The following KMT2C variants were observed in gnomAD, a reference collection of about 807,000 sequenced individuals.
KMT2C encodes lysine methyltransferase 2C, also known as histone-lysine N-methyltransferase 2C.
KMT2C carries 88 observed loss-of-function variants against 507.9 expected under a neutral mutation model. The observed-to-expected ratio is 0.17, with a 90% CI of 0.15 to 0.21. The LOEUF (loss-of-function observed/expected upper bound fraction) is 0.21. Ranked by LOEUF, KMT2C falls within the 10% of genes least tolerant of loss-of-function variation. The pLI is 1.00. For missense variants in KMT2C, 4,954 were observed against 5,957.8 expected, an observed-to-expected ratio of 0.83 and a Z score of 5.55; for synonymous variants, 2,049 against 2,080.8, an observed-to-expected ratio of 0.98 and a Z score of 0.42.
At chr7:152,272,978 T>C (rs1458149983) in intron 7 of KMT2C, among the ~76,000 whole-genome samples, 1 of 152,052 alleles carries the variant, frequency 6.6e-6, no homozygotes, top group Non-Finnish European at 1.5e-5. Flanking sequence ...ATAATGAGAT[T>C]GGAAATTCAA....
chr7:152,152,640 AAAGAGTAAGCTT>A lies in KMT2C; in HGVS notation c.12526+53_12526+64del, dbSNP rs2091727335. On this transcript the variant is annotated intron_variant, in intron 49 of 58. Coordinates refer to ENST00000262189, the MANE Select transcript of KMT2C (RefSeq NM_170606.3). ...GTTGTTAAAAGATAATCAGTATCTCAAAGAGTAAGCTTAACTTTTGAATCAGGAATGGATTTG... is the reference window on the plus strand; with the variant it reads ...GTTGTTAAAAGATAATCAGTATCTCAAACTTTTGAATCAGGAATGGATTTG... 3.8e-6 allele frequency: 6 copies of A among 1,579,080 alleles called. No homozygotes were observed. In the African/African-American group the frequency reaches 8.1e-5, roughly 21 times the overall value.
intron 2 of KMT2C, among the ~76,000 whole-genome samples, chr7:152,337,037 T>A (rs1330259515): frequency 6.6e-6 from 1 of 152,144 alleles, no homozygotes; most frequent in Non-Finnish European, 1.5e-5. Flanking sequence ...AAGCCTGTAA[T>A]CCCAGCACTT....
At chr7:152,362,938 A>C (rs1260606361) in intron 1 of KMT2C, among the ~76,000 whole-genome samples, 4 of 152,236 alleles carry the variant, frequency 2.6e-5, no homozygotes, top group Non-Finnish European at 5.9e-5. Context: ...CCTTCTGGGC[A>C]ATGGACCAAC....
At chr7:152,159,186 A>G in intron 43 of KMT2C, 114 bp from the exon 44 acceptor site, 2 of 829,934 alleles carry the variant, frequency 2.4e-6, no homozygotes, top group Non-Finnish European at 2.0e-6. Flanking sequence ...AAGGTATTAA[A>G]TAAGTAGGGA....
At position 152,181,936 on chromosome 7, in the gene KMT2C, G is replaced by A. The variant is rs2129120538; in HGVS notation, c.5924C>T (p.Thr1975Ile). 6.2e-7 allele frequency: 1 copy of A among 1,614,186 alleles called. No homozygotes were observed. Among genetic ancestry groups the A allele is most frequent in the Non-Finnish European group, 8.5e-7 (1 of 1,180,030 alleles). ...KPPDTPRPVM[T>I]DQFPKSLGLS... ...GCCCAAGGATTTGGGAAATTGATCT[G>A]TCATCACAGGCCTAGGTGTGTCTGG... Residue 1975 changes from threonine (T) to isoleucine (I), a missense_variant, in exon 36 of 59, where the codon ACA (threonine) becomes ATA (isoleucine). This residue lies in a region of KMT2C where 1,689 missense variants were observed against 1,654.3 expected (regional missense o/e 1.02). Coordinates refer to ENST00000262189, the MANE Select transcript of KMT2C (RefSeq NM_170606.3).
chr7:152,336,120 G>C (rs1042452243), intron 2 of KMT2C, among the ~76,000 whole-genome samples: 1 of 151,986 alleles, frequency 6.6e-6, no homozygotes, highest in African/African-American at 2.4e-5. Flanking sequence ...TTTAGATTTT[G>C]TTGTTTCAGT....
At chr7:152,250,102 T>C (rs2095540106) in intron 12 of KMT2C, 149 bp from the exon 13 acceptor site, 4 of 516,722 alleles carry the variant, frequency 7.7e-6, no homozygotes, top group Admixed American at 3.5e-5. Flanking sequence ...TAGTAAGTTA[T>C]GAAGACAAAA....
At chr7:152,323,138 A>G (rs2129207197) in intron 3 of KMT2C, among the ~76,000 whole-genome samples, 1 of 152,150 alleles carries the variant, frequency 6.6e-6, no homozygotes, top group South Asian at 2.1e-4. Flanking sequence ...AAAACTAAAA[A>G]TAGAATTACC....
intron 23 of KMT2C, among the ~76,000 whole-genome samples, chr7:152,211,440 AG>A (rs545055961): frequency 6.6e-6 from 1 of 152,270 alleles, no homozygotes; most frequent in Non-Finnish European, 1.5e-5. Context: ...AGGAGAGAAC[AG>A]AAGATGATCT....
At position 152,183,163 on chromosome 7, in the gene KMT2C, CAA is replaced by C; in HGVS notation, c.5083-9_5083-8del. 2 of 1,506,356 alleles carry C rather than the reference CAA, an allele frequency of 1.3e-6. No individual in the cohort carries two copies. The highest frequency in any genetic ancestry group is 1.8e-6 in the Non-Finnish European group (2 of 1,130,206). 93.3% of individuals were successfully genotyped at this position (1,506,356 alleles called of 1,614,324 possible). Reference sequence around the variant, plus strand: ...TGTTATCTCTGGCTTTTTGCTTTGACAAAAGAAGAGAAAAAAATTTCCCAGAT... The same window carrying C: ...TGTTATCTCTGGCTTTTTGCTTTGACAAGAAGAGAAAAAAATTTCCCAGAT... On this transcript the variant is annotated splice_polypyrimidine_tract_variant and splice_region_variant and intron_variant, in intron 34 of 58. Transcript: ENST00000262189.
Position 152,136,644 on chromosome 7 carries a change from G to T in KMT2C, c.*188C>A. The T allele has an allele frequency of 1.7e-6, 1 of 584,878 alleles. No individual in the cohort carries two copies. The highest frequency in any genetic ancestry group is 3.1e-6 in the Non-Finnish European group (1 of 327,864). 36.2% of individuals were successfully genotyped at this position (584,878 alleles called of 1,614,324 possible). ...TAACCTCGGCCACTTCAGGAACGCT[G>T]CTTCTGTCAGCTTCCTCCTGGCGCT... On this transcript the variant is annotated 3_prime_UTR_variant, in exon 59 of 59. Coordinates refer to ENST00000262189, the MANE Select transcript of KMT2C (RefSeq NM_170606.3).
intron 1 of KMT2C, chr7:152,368,607 A>G: frequency 7.0e-7 from 1 of 1,437,096 alleles, no homozygotes; most frequent in Non-Finnish European, 9.7e-7. Context: ...ATATTTTAGA[A>G]CAGAACTCTT....
chr7:152,147,081 T>C (rs1412114656), intron 52 of KMT2C, among the ~76,000 whole-genome samples: 1 of 152,222 alleles, frequency 6.6e-6, no homozygotes, highest in African/African-American at 2.4e-5. Flanking sequence ...TCTATAGCTA[T>C]GTTCCTTTCC....
intron 23 of KMT2C, among the ~76,000 whole-genome samples, chr7:152,219,577 C>T (rs1236758909): frequency 4.0e-5 from 6 of 150,352 alleles, no homozygotes; most frequent in Admixed American, 4.0e-4. Context: ...AAGACACTGC[C>T]CCTTAAAAAA....
chr7:152,182,859 T>C, intron 35 of KMT2C, 115 bp downstream of exon 35: 1 of 767,706 alleles, frequency 1.3e-6, no homozygotes. Flanking sequence ...AACAAGTCTA[T>C]CCTAAATCAA....
intron 1 of KMT2C, among the ~76,000 whole-genome samples, chr7:152,414,683 A>G (rs2097716531): frequency 6.6e-6 from 1 of 151,770 alleles, no homozygotes. Context: ...TTTAGTAGGG[A>G]AGAGGTTTCA....
chr7:152,231,774 C>T (rs1445481038), intron 16 of KMT2C, among the ~76,000 whole-genome samples: 2 of 151,086 alleles, frequency 1.3e-5, no homozygotes, highest in East Asian at 1.9e-4. Flanking sequence ...GAGCGAGACC[C>T]TGTCTCAAAA....
chr7:152,231,005 C>T (rs1321943266), intron 16 of KMT2C, among the ~76,000 whole-genome samples: 2 of 152,018 alleles, frequency 1.3e-5, no homozygotes, highest in African/African-American at 2.4e-5. Flanking sequence ...TTAGTAGAGA[C>T]GGGGTTTCAC....
intron 2 of KMT2C, among the ~76,000 whole-genome samples, chr7:152,343,446 C>A (rs1303405389): frequency 4.9e-5 from 4 of 81,832 alleles, no homozygotes; most frequent in Middle Eastern, 6.9e-3. Flanking sequence ...GAGAAAAAGA[C>A]TGGGAAAAAA....
Sources: allele counts gnomAD v4.1 joint callset (sites outside exome capture counted in the v4.1 genomes callset), GRCh38; gene constraint gnomAD v4.1.1; regional missense constraint gnomAD v4.1.1; transcripts MANE v1.5; gene names NCBI Gene and HGNC (gene_info 2026-07-23, HGNC 2026-07-21).